Variants in ACVR2A observed in about 807,000 individuals in gnomAD.
ACVR2A encodes activin A receptor type 2A.
Under a neutral mutation model 61.4 loss-of-function variants are expected in ACVR2A, and 7 were observed. That is an observed-to-expected ratio of 0.11 (90% confidence interval 0.06 to 0.21). ACVR2A has a LOEUF of 0.21. ACVR2A is among the 10% of genes least tolerant of loss of function. The probability of loss-of-function intolerance (pLI) is 1.00; values close to 1 mark genes in which losing one functional copy is unlikely to be tolerated. For synonymous variants in ACVR2A, 193 were observed against 208.3 expected (o/e 0.93, Z 0.63); for missense variants, 322 against 621.7 (o/e 0.52, Z 5.13).
chr2:147,881,633 GTGTGTGTGTA>G (rs771922602), intron 1 of ACVR2A, among the ~76,000 whole-genome samples: 25,314 of 114,596 alleles, frequency 0.22, 3,211 homozygotes, highest in South Asian at 0.31. Context: ...GTGTGTGTGT[GTGTGTGTGTA>G]TGTGTGTGTG....
chr2:147,847,925 T>C (rs1013655205), intron 1 of ACVR2A, among the ~76,000 whole-genome samples: 1 of 152,262 alleles, frequency 6.6e-6, no homozygotes, highest in Non-Finnish European at 1.5e-5. Context: ...TCTAGAGTTA[T>C]GCAGCTATTG....
chr2:147,921,546 G>C (rs551630760), intron 8 of ACVR2A, among the ~76,000 whole-genome samples: 1 of 152,276 alleles, frequency 6.6e-6, no homozygotes, highest in Admixed American at 6.5e-5. Flanking sequence ...AATTTTGGCA[G>C]TATTGACTAA....
In ACVR2A at chr2:147,930,460, T is replaced by C. The variant is rs1007457187; in HGVS notation, c.*3186T>C. On this transcript the variant is annotated 3_prime_UTR_variant, in exon 11 of 11. Coordinates refer to ENST00000241416, the MANE Select transcript of ACVR2A (RefSeq NM_001616.5). ...CTTTTTAGGAACATTTGGTATGATATGCATAAAATTATTTATCCATTTATG... is the reference window on the plus strand; with the variant it reads ...CTTTTTAGGAACATTTGGTATGATACGCATAAAATTATTTATCCATTTATG... 1.3e-5 allele frequency: 2 copies of C among 152,336 alleles called. No homozygotes were observed. The highest frequency in any genetic ancestry group is 2.9e-5 in the Non-Finnish European group (2 of 67,956). 9.4% of individuals were successfully genotyped at this position (152,336 alleles called of 1,614,324 possible).
intron 1 of ACVR2A, among the ~76,000 whole-genome samples, chr2:147,851,964 C>T (rs1685459775): frequency 1.3e-5 from 2 of 151,768 alleles, no homozygotes; most frequent in East Asian, 1.9e-4. Flanking sequence ...GATTTTTTTT[C>T]CTACTCTGAA....
At chr2:147,887,758 A>G (rs13033696) in intron 1 of ACVR2A, among the ~76,000 whole-genome samples, 49,492 of 152,020 alleles carry the variant, frequency 0.33, 8,297 homozygotes, top group East Asian at 0.51. Flanking sequence ...ATCTAACCCC[A>G]ATGGAATTCT....
chr2:147,928,697 C>G lies in ACVR2A; in HGVS notation c.*1423C>G, dbSNP rs990701362. On this transcript the variant is annotated 3_prime_UTR_variant, in exon 11 of 11. Transcript: ENST00000241416. ...GATACTAATTTAGGATAGTTCATGC[C>G]TTATCCTTGCTAAGAAAATGGAATT... 2.0e-5 allele frequency: 3 copies of G among 152,222 alleles called. No homozygotes were observed. The highest frequency in any genetic ancestry group is 2.4e-5 in the African/African-American group (1 of 41,348). The allele number at this position is 152,222 out of a possible 1,614,324, so 9.4% of individuals were successfully genotyped here. A position where few individuals can be genotyped will look rare whatever the true frequency, so the allele number is the denominator to read the frequency against.
At position 147,929,571 on chromosome 2, in the gene ACVR2A, A is replaced by T. The variant is rs1324707868; in HGVS notation, c.*2297A>T. On this transcript the variant is annotated 3_prime_UTR_variant, in exon 11 of 11. Coordinates refer to ENST00000241416, the MANE Select transcript of ACVR2A (RefSeq NM_001616.5). ...TGTATTCTTTTGAGAACTATTATTA[A>T]TAGAAAAACTTTTTATAAGCAGTAA... is the stretch of plus-strand genomic sequence containing the variant. The T allele has an allele frequency of 6.6e-6, 1 of 152,410 alleles. No homozygotes were observed. Among genetic ancestry groups the T allele is most frequent in the African/African-American group, 2.4e-5 (1 of 41,392 alleles). The allele number at this position is 152,410 out of a possible 1,614,324, so 9.4% of individuals were successfully genotyped here.
chr2:147,899,397 C>A, intron 2 of ACVR2A, 61 bp from the exon 3 acceptor site: 3 of 1,048,070 alleles, frequency 2.9e-6, no homozygotes, highest in Non-Finnish European at 4.0e-6. Flanking sequence ...AATAAAAACA[C>A]TTGTTGTAGG....
chr2:147,891,626 C>A (rs1686584519), intron 1 of ACVR2A, among the ~76,000 whole-genome samples: 1 of 151,750 alleles, frequency 6.6e-6, no homozygotes, highest in Admixed American at 6.6e-5. Flanking sequence ...ACATGAAATC[C>A]AATTTTCAGT....
chr2:147,879,111 G>C (rs1686231127), intron 1 of ACVR2A, among the ~76,000 whole-genome samples: 1 of 152,174 alleles, frequency 6.6e-6, no homozygotes, highest in South Asian at 2.1e-4. Context: ...TTGCAAATTA[G>C]AGATGATATT....
chr2:147,896,177 A>G (rs978392220), intron 1 of ACVR2A, 124 bp from the exon 2 acceptor site: 6 of 820,764 alleles, frequency 7.3e-6, no homozygotes, highest in East Asian at 2.7e-5. Context: ...CCTAAACCCA[A>G]AGTTATAAGT....
At position 147,907,093 on chromosome 2, in the gene ACVR2A, T is replaced by C. The variant is rs1389899270; in HGVS notation, c.528+7195T>C. ...CTTATGAGTGAGAACATGTGGTGTT[T>C]GGGTTTCTGTTCCTGGGTTAGTTTG... is the stretch of plus-strand genomic sequence containing the variant. On this transcript the variant is annotated intron_variant, in intron 4 of 10. Coordinates refer to ENST00000241416, the MANE Select transcript of ACVR2A (RefSeq NM_001616.5). 2.0e-5 allele frequency among the ~76,000 whole-genome samples: 3 copies of C among 152,136 alleles called. No homozygotes were observed. The East Asian group carries it at 5.8e-4, about 29-fold the overall frequency.
At chr2:147,893,436 T>C (rs1031579494) in intron 1 of ACVR2A, among the ~76,000 whole-genome samples, 2 of 149,966 alleles carry the variant, frequency 1.3e-5, no homozygotes, top group Non-Finnish European at 3.0e-5. Context: ...ATGTTTTAAC[T>C]TTAAGAAGCT....
At chr2:147,852,038 A>T (rs1685461317) in intron 1 of ACVR2A, among the ~76,000 whole-genome samples, 1 of 151,930 alleles carries the variant, frequency 6.6e-6, no homozygotes, top group East Asian at 1.9e-4. Context: ...AGAAAAGATG[A>T]TTTTGCTCAT....
rs1474370951 is a variant in ACVR2A, at chr2:147,890,182, C to T, written c.56-6119C>T. On this transcript the variant is annotated intron_variant, in intron 1 of 10. Coordinates refer to ENST00000241416, the MANE Select transcript of ACVR2A (RefSeq NM_001616.5). ...CAGAAAAACAAAAACAACAACAAAC[C>T]CCACACATGTGCATATACTATATTC... Among the ~76,000 whole-genome samples, 3 of 151,958 alleles carry T rather than the reference C, an allele frequency of 2.0e-5. No homozygotes were observed. The East Asian group carries it at 5.8e-4, about 29-fold the overall frequency.
intron 1 of ACVR2A, among the ~76,000 whole-genome samples, chr2:147,883,670 C>T (rs569068113): frequency 6.6e-6 from 1 of 152,072 alleles, no homozygotes; most frequent in East Asian, 1.9e-4. Context: ...TATTTAAGGT[C>T]ATTATGAATT....
At chr2:147,919,241 G>A (rs572330768) in intron 7 of ACVR2A, among the ~76,000 whole-genome samples, 4 of 152,212 alleles carry the variant, frequency 2.6e-5, no homozygotes, top group Non-Finnish European at 4.4e-5. Context: ...GTGCCACCAG[G>A]CGATGTTTTA....
chr2:147,910,217 T>G (rs1687081650), intron 4 of ACVR2A, among the ~76,000 whole-genome samples: 2 of 152,168 alleles, frequency 1.3e-5, no homozygotes, highest in Non-Finnish European at 2.9e-5. Flanking sequence ...GTTCATTTCT[T>G]GGGAAATGTA....
chr2:147,929,647 C>CTT lies in ACVR2A; in HGVS notation c.*2375_*2376dup, dbSNP rs1204245103. ...GTCCTTATACCTAGTCTTGTTAAAA[C>CTT]TTTCTTTTGCAGGGTATTTAGTGTT... is the stretch of plus-strand genomic sequence containing the variant. On this transcript the variant is annotated 3_prime_UTR_variant, in exon 11 of 11. Transcript: ENST00000241416. 6.6e-6 allele frequency: 1 copy of CTT among 152,208 alleles called. No homozygotes were observed. Among genetic ancestry groups the CTT allele is most frequent in the African/African-American group, 2.4e-5 (1 of 41,326 alleles). 9.4% of individuals were successfully genotyped at this position (152,208 alleles called of 1,614,324 possible).
Sources: gnomAD v4.1 joint callset for allele counts (sites outside exome capture counted in the v4.1 genomes callset) on GRCh38, gnomAD v4.1.1 for gene constraint, MANE v1.5 for transcripts, NCBI Gene and HGNC (gene_info 2026-07-23, HGNC 2026-07-21) for gene names.